Variants in SV2C observed in about 807,000 individuals in gnomAD.
SV2C encodes synaptic vesicle glycoprotein 2C, also known as solute carrier family 22 member B3.
In SV2C, 49 loss-of-function variants were observed where a neutral mutation model predicts 79.7. The ratio of observed to expected loss-of-function variants is 0.61; its 90% CI spans 0.49 to 0.78. The LOEUF is 0.78. Ranked by LOEUF, SV2C falls within the 30% of genes least tolerant of loss-of-function variation. The probability of loss-of-function intolerance (pLI) is 0.00; values close to 1 mark genes in which losing one functional copy is unlikely to be tolerated. For synonymous variants in SV2C, 334 were observed against 333.2 expected, an observed-to-expected ratio of 1.00 and a Z score of -0.03; for missense variants, 833 against 912.9, an observed-to-expected ratio of 0.91 and a Z score of 1.13.
chr5:76,353,858 T>C (rs1257851172), exon 13 of SV2C: 1 of 152,224 alleles, frequency 6.6e-6, no homozygotes. Context: ...TGACATAATA[T>C]GTACTTCTTT....
Position 76,105,689 on chromosome 5 carries a change from A to C in SV2C, c.-102+22177A>C, listed in dbSNP as rs76734852. On this transcript the variant is annotated intron_variant, in intron 1 of 12. Coordinates refer to ENST00000502798, the MANE Select transcript of SV2C (RefSeq NM_014979.4). ...AACTTCATACTTAATAATTATTTAC[A>C]TTAAATTATCTGCGTTCAGTCTCCC... 2.9e-3 allele frequency among the ~76,000 whole-genome samples: 445 copies of C among 152,250 alleles called. 3 individuals carry two copies. Among genetic ancestry groups the C allele is most frequent in the South Asian group, 0.026 (125 of 4,824 alleles).
chr5:75,869,377 G>A, the SV2C span, among the ~76,000 whole-genome samples: 1 of 152,202 alleles, frequency 6.6e-6, no homozygotes, highest in African/African-American at 2.4e-5. Flanking sequence ...CAGTATTCCC[G>A]GTGGGCCTGT....
intron 1 of SV2C, among the ~76,000 whole-genome samples, chr5:76,117,696 A>C (rs1454061823): frequency 6.6e-6 from 1 of 151,554 alleles, no homozygotes; most frequent in Non-Finnish European, 1.5e-5. Context: ...TATTTCTGAG[A>C]TATTCGGTTA....
At chr5:75,880,375 C>G in the SV2C span, among the ~76,000 whole-genome samples, 6 of 152,118 alleles carry the variant, frequency 3.9e-5, no homozygotes, top group African/African-American at 1.4e-4. Context: ...AACTTTAAGT[C>G]ATTTCTTTGC....
chr5:76,281,091 A>C (rs1278470471), intron 4 of SV2C: 7 of 542,374 alleles, frequency 1.3e-5, no homozygotes, highest in Non-Finnish European at 2.6e-5. Flanking sequence ...AGACTAAAAA[A>C]ACTAAAGCAG....
chr5:76,353,301 G>T, exon 13 of SV2C: 1 of 259,436 alleles, frequency 3.9e-6, no homozygotes, highest in Non-Finnish European at 7.9e-6. Flanking sequence ...TATTATACAA[G>T]GTCTTGCTAA....
At chr5:75,861,971 AAAGTTG>A in the SV2C span, among the ~76,000 whole-genome samples, 1 of 152,226 alleles carries the variant, frequency 6.6e-6, no homozygotes. Context: ...ACCTAAAATG[AAAGTTG>A]AAGTTAATTT....
chr5:76,116,968 G>T (rs1199864118), intron 1 of SV2C, among the ~76,000 whole-genome samples: 5 of 152,110 alleles, frequency 3.3e-5, no homozygotes, highest in Non-Finnish European at 5.9e-5. Flanking sequence ...CCCGAGATGG[G>T]TCCAGATCTA....
the SV2C span, among the ~76,000 whole-genome samples, chr5:76,050,980 C>A: frequency 0.013 from 2,046 of 152,138 alleles, 46 homozygotes; most frequent in East Asian, 0.049. Flanking sequence ...AGTATGAATA[C>A]ATATGAAAAT....
chr5:76,274,650 C>A (rs1471664804), intron 4 of SV2C, among the ~76,000 whole-genome samples: 1 of 151,072 alleles, frequency 6.6e-6, no homozygotes, highest in Non-Finnish European at 1.5e-5. Flanking sequence ...CCCCCTCCAC[C>A]TACTACTTGG....
At chr5:75,975,733 T>C in the SV2C span, among the ~76,000 whole-genome samples, 1 of 152,142 alleles carries the variant, frequency 6.6e-6, no homozygotes. Context: ...ACAGGCATTG[T>C]AAAATAGAGA....
At chr5:76,165,107 A>G (rs1297588754) in intron 2 of SV2C, among the ~76,000 whole-genome samples, 1 of 151,242 alleles carries the variant, frequency 6.6e-6, no homozygotes, top group Non-Finnish European at 1.5e-5. Context: ...ACAGGTATGC[A>G]AGTCTTGACT....
At chr5:76,213,174 T>C (rs996351040) in intron 4 of SV2C, among the ~76,000 whole-genome samples, 2 of 152,012 alleles carry the variant, frequency 1.3e-5, no homozygotes, top group Non-Finnish European at 2.9e-5. Context: ...GCCAGAAGTG[T>C]GGCAAAAAAA....
chr5:75,851,732 C>T, the SV2C span, among the ~76,000 whole-genome samples: 2 of 152,214 alleles, frequency 1.3e-5, no homozygotes, highest in South Asian at 2.1e-4. Context: ...GCTCCCCCTC[C>T]CGGGTTCACG....
At chr5:76,173,743 A>T in intron 2 of SV2C, 1 of 1,612,634 alleles carries the variant, frequency 6.2e-7, no homozygotes, top group East Asian at 2.2e-5. Context: ...TTGATTTTGC[A>T]GAAGATTCTA....
At chr5:76,352,938 CTCT>C (rs1401583254) in intron 12 of SV2C, among the ~76,000 whole-genome samples, 3 of 146,744 alleles carry the variant, frequency 2.0e-5, no homozygotes, top group African/African-American at 5.1e-5. Flanking sequence ...TTATTTTTAC[CTCT>C]TTTTTTTTTT....
At chr5:76,312,692 G>A (rs751973108) in intron 12 of SV2C, among the ~76,000 whole-genome samples, 22 of 152,352 alleles carry the variant, frequency 1.4e-4, no homozygotes, top group African/African-American at 5.1e-4. Context: ...TCATGGTGTC[G>A]TTTGGCCGCA....
chr5:75,913,141 C>A, the SV2C span, among the ~76,000 whole-genome samples: 3 of 152,150 alleles, frequency 2.0e-5, no homozygotes, highest in Non-Finnish European at 2.9e-5. Context: ...GGAATCTAGT[C>A]CAAATGATAG....
intron 8 of SV2C, among the ~76,000 whole-genome samples, chr5:76,292,977 C>T (rs1014995334): frequency 6.6e-6 from 1 of 152,098 alleles, no homozygotes; most frequent in African/African-American, 2.4e-5. Context: ...TCTTAACATC[C>T]CTAAATCAAA....
Sources: gnomAD v4.1 joint callset for allele counts (sites outside exome capture counted in the v4.1 genomes callset) on GRCh38, gnomAD v4.1.1 for gene constraint, MANE v1.5 for transcripts, NCBI Gene and HGNC (gene_info 2026-07-23, HGNC 2026-07-21) for gene names.